The following PDS5B variants were observed in gnomAD, a reference collection of about 807,000 sequenced individuals.
The protein encoded by PDS5B is sister chromatid cohesion protein PDS5 homolog B.
A neutral mutation model predicts 184.1 loss-of-function variants in PDS5B; 51 were observed. That is an observed-to-expected ratio of 0.28 (90% CI 0.22 to 0.35). The LOEUF (loss-of-function observed/expected upper bound fraction) is 0.35. PDS5B is among the 10% of genes least tolerant of loss of function. PDS5B has a pLI of 1.00. For synonymous variants in PDS5B, 566 were observed against 569.2 expected (o/e 0.99, Z 0.08); for missense variants, 1,180 against 1,723.3 (o/e 0.68, Z 5.58).
intron 1 of PDS5B, among the ~76,000 whole-genome samples, chr13:32,629,566 A>T (rs575661114): frequency 4.6e-5 from 7 of 152,246 alleles, no homozygotes; most frequent in Non-Finnish European, 8.8e-5. Context: ...TTCAGCGAGG[A>T]TGCAGATGTC....
intron 17 of PDS5B, among the ~76,000 whole-genome samples, chr13:32,703,988 G>C (rs989146572): frequency 6.6e-6 from 1 of 152,030 alleles, no homozygotes; most frequent in African/African-American, 2.4e-5. Context: ...AAACAAGGCT[G>C]TTCACCCAGT....
chr13:32,646,152 A>C (rs376957198), intron 1 of PDS5B, among the ~76,000 whole-genome samples: 22 of 152,054 alleles, frequency 1.4e-4, no homozygotes, highest in African/African-American at 5.1e-4. Context: ...CCACAGGTGC[A>C]CACCACTATG....
chr13:32,762,372 T>C (rs1730067663), intron 30 of PDS5B, among the ~76,000 whole-genome samples: 1 of 152,192 alleles, frequency 6.6e-6, no homozygotes, highest in African/African-American at 2.4e-5. Context: ...CTTACCAAAT[T>C]TCTTATAATG....
intron 17 of PDS5B, among the ~76,000 whole-genome samples, 165 bp downstream of exon 17, chr13:32,701,603 C>CAG (rs1463306058): frequency 1.2e-4 from 17 of 137,914 alleles, no homozygotes; most frequent in Non-Finnish European, 2.0e-4. Context: ...TATGCACACA[C>CAG]ACACACACAG....
intron 7 of PDS5B, among the ~76,000 whole-genome samples, chr13:32,671,851 C>T (rs1435486812): frequency 6.6e-6 from 1 of 152,152 alleles, no homozygotes; most frequent in Admixed American, 6.5e-5. Flanking sequence ...ATAAAGAATC[C>T]TTGACTCCTT....
chr13:32,631,578 A>G (rs1014533386), intron 1 of PDS5B, among the ~76,000 whole-genome samples: 21 of 152,326 alleles, frequency 1.4e-4, no homozygotes, highest in Admixed American at 9.2e-4. Context: ...TGTTGAAAGA[A>G]TGAATGATCT....
chr13:32,775,889 A>G lies in PDS5B; in HGVS notation c.*837A>G, dbSNP rs1056889444. 13 of 281,774 alleles carry G rather than the reference A, an allele frequency of 4.6e-5. No individual in the cohort carries two copies. The highest frequency in any genetic ancestry group is 2.9e-4 in the African/African-American group (13 of 44,360). The allele number at this position is 281,774 out of a possible 1,614,324, so 17.5% of individuals were successfully genotyped here. ...TTTATTAATCTACTGTATCAATAAA[A>G]TTCTGTAATTTGAATGAGTTTTTAA... On this transcript the variant is annotated 3_prime_UTR_variant, in exon 35 of 35. Coordinates refer to ENST00000315596, the MANE Select transcript of PDS5B (RefSeq NM_015032.4).
In PDS5B at chr13:32,665,329, A is replaced by C. The variant is rs144965594; in HGVS notation, c.625-2435A>C. Among the ~76,000 whole-genome samples the C allele has an allele frequency of 8.4e-3, 1,279 of 152,090 alleles. 18 individuals are homozygous for C. Among genetic ancestry groups the C allele is most frequent in the African/African-American group, 0.029 (1,206 of 41,508 alleles). The stretch of plus-strand genomic sequence containing the variant: ...TTTGGGGGCTGGGCACAGTGGCTCA[A>C]GTCTGTAATCCCAGCACTTTGGGAG... On this transcript the variant is annotated intron_variant, in intron 6 of 34. Transcript: ENST00000315596.
intron 1 of PDS5B, among the ~76,000 whole-genome samples, chr13:32,628,214 A>C (rs761422507): frequency 9.9e-5 from 15 of 152,206 alleles, no homozygotes; most frequent in Non-Finnish European, 1.9e-4. Context: ...TTCCATCCCA[A>C]GCTCAAATCA....
intron 19 of PDS5B, among the ~76,000 whole-genome samples, chr13:32,719,555 C>T (rs572210932): frequency 6.6e-6 from 1 of 152,034 alleles, no homozygotes; most frequent in South Asian, 2.1e-4. Flanking sequence ...CCCTGCCCCA[C>T]CATGTATGGT....
chr13:32,633,198 C>A (rs993898544), intron 1 of PDS5B, among the ~76,000 whole-genome samples: 1 of 152,100 alleles, frequency 6.6e-6, no homozygotes, highest in African/African-American at 2.4e-5. Flanking sequence ...TTACAAGTTT[C>A]TTTCTGTTTT....
rs1268406952 is a variant in PDS5B, at chr13:32,752,213, T to C, written c.2737-1119T>C. 5.3e-5 allele frequency among the ~76,000 whole-genome samples: 8 copies of C among 152,206 alleles called. No homozygotes were observed. The East Asian group carries it at 1.3e-3, about 26-fold the overall frequency. ...GACCACATTCACATAACATTTATTA[T>C]ATAGTATATTGTTATACTTGTTCTA... On this transcript the variant is annotated intron_variant, in intron 24 of 34. Transcript: ENST00000315596.
Position 32,653,107 on chromosome 13 carries a change from A to T in PDS5B, c.312+1100A>T, listed in dbSNP as rs984149510. ...TCAGGAGTTCGAAACCAGCCTGGCCAACATGGTGAAACTTCATCTCTACTC... is the reference window on the plus strand; with the variant it reads ...TCAGGAGTTCGAAACCAGCCTGGCCTACATGGTGAAACTTCATCTCTACTC... On this transcript the variant is annotated intron_variant, in intron 3 of 34. Transcript: ENST00000315596. 2.0e-5 allele frequency among the ~76,000 whole-genome samples: 3 copies of T among 152,168 alleles called. No individual in the cohort carries two copies. In the South Asian group the frequency reaches 6.2e-4, roughly 32 times the overall value.
chr13:32,617,894 A>T (rs1048225132), intron 1 of PDS5B, among the ~76,000 whole-genome samples: 1 of 152,192 alleles, frequency 6.6e-6, no homozygotes, highest in Non-Finnish European at 1.5e-5. Context: ...ATAACAAAAT[A>T]CCTAAGGCCA....
chr13:32,659,053 T>C (rs1336997289), intron 5 of PDS5B, 101 bp from the exon 6 acceptor site: 3 of 682,188 alleles, frequency 4.4e-6, no homozygotes. Flanking sequence ...TTTAATATTT[T>C]AGTATTATTT....
chr13:32,734,011 C>CACACACACACACACACACACACAA (rs1341139943), intron 20 of PDS5B, among the ~76,000 whole-genome samples: 6 of 151,374 alleles, frequency 4.0e-5, no homozygotes, highest in African/African-American at 1.5e-4. Flanking sequence ...CACACACACA[C>CACACACACACACACACACACACAA]ACAAACATAT....
intron 3 of PDS5B, among the ~76,000 whole-genome samples, chr13:32,653,359 C>T (rs1023991690): frequency 6.6e-6 from 1 of 151,930 alleles, no homozygotes; most frequent in Non-Finnish European, 1.5e-5. Context: ...ATTATTAATC[C>T]ACAGTGTGAA....
At chr13:32,765,405 A>G (rs1954552400) in intron 31 of PDS5B, among the ~76,000 whole-genome samples, 1 of 152,232 alleles carries the variant, frequency 6.6e-6, no homozygotes, top group African/African-American at 2.4e-5. Flanking sequence ...AATAAAAGTT[A>G]AAATGTTCGA....
At chr13:32,620,601 G>A (rs562835177) in intron 1 of PDS5B, among the ~76,000 whole-genome samples, 134 of 150,642 alleles carry the variant, frequency 8.9e-4, no homozygotes, top group African/African-American at 3.2e-3. Context: ...AGCTTACAGT[G>A]AGCCGAGATT....
Sources: gnomAD v4.1 joint callset for allele counts (sites outside exome capture counted in the v4.1 genomes callset) on GRCh38, gnomAD v4.1.1 for gene constraint, MANE v1.5 for transcripts, NCBI Gene and HGNC (gene_info 2026-07-23, HGNC 2026-07-21) for gene names.